The following MTDH variants were observed in gnomAD, a reference collection of about 807,000 sequenced individuals.
MTDH encodes the protein protein LYRIC.
In MTDH, 34 loss-of-function variants were observed where a neutral mutation model predicts 72.7. The observed-to-expected ratio is 0.47, with a 90% CI of 0.36 to 0.62. The LOEUF (loss-of-function observed/expected upper bound fraction) is 0.62, where lower values mean the gene tolerates loss of function less well. Ranked by LOEUF, MTDH falls within the 20% of genes least tolerant of loss-of-function variation. MTDH has a pLI of 0.00. For missense variants in MTDH, 677 were observed against 699.4 expected (o/e 0.97, Z 0.36); for synonymous variants, 266 against 268.9 (o/e 0.99, Z 0.10).
At chr8:97,717,270 C>G (rs983905364) in intron 9 of MTDH, among the ~76,000 whole-genome samples, 1 of 152,118 alleles carries the variant, frequency 6.6e-6, no homozygotes, top group Non-Finnish European at 1.5e-5. Flanking sequence ...AAAGAACGGC[C>G]ATTTTATATG....
chr8:97,669,224 C>T (rs1812510507), intron 2 of MTDH, among the ~76,000 whole-genome samples: 1 of 152,118 alleles, frequency 6.6e-6, no homozygotes, highest in South Asian at 2.1e-4. Flanking sequence ...TCTCCGCTCA[C>T]TGCAACCTCC....
At chr8:97,664,306 A>G (rs1201955423) in intron 2 of MTDH, among the ~76,000 whole-genome samples, 2 of 152,010 alleles carry the variant, frequency 1.3e-5, no homozygotes, top group Admixed American at 1.3e-4. Flanking sequence ...TAGGGAGCTG[A>G]GATCGTACCA....
At chr8:97,723,567 C>A (rs1815224936) in intron 11 of MTDH, among the ~76,000 whole-genome samples, 1 of 149,702 alleles carries the variant, frequency 6.7e-6, no homozygotes, top group Admixed American at 6.7e-5. Flanking sequence ...CATGGTGAAA[C>A]CCCGTCTCTA....
intron 8 of MTDH, among the ~76,000 whole-genome samples, chr8:97,712,391 A>G (rs1814675437): frequency 6.6e-6 from 1 of 152,012 alleles, no homozygotes; most frequent in Non-Finnish European, 1.5e-5. Flanking sequence ...CTGGAGATTC[A>G]TCCAGGTTGT....
At chr8:97,716,626 G>T (rs1332572069) in intron 9 of MTDH, among the ~76,000 whole-genome samples, 10 of 150,824 alleles carry the variant, frequency 6.6e-5, no homozygotes. Flanking sequence ...AGCCAAGATT[G>T]TGCCACTACA....
chr8:97,663,760 A>AAG (rs1554575016), intron 2 of MTDH, among the ~76,000 whole-genome samples: 15 of 151,672 alleles, frequency 9.9e-5, no homozygotes, highest in African/African-American at 3.6e-4. Flanking sequence ...AAAAAAAAAA[A>AAG]AAAAAAAAGA....
chr8:97,719,328 A>G, intron 10 of MTDH, 139 bp downstream of exon 10: 1 of 797,852 alleles, frequency 1.3e-6, no homozygotes, highest in Non-Finnish European at 1.9e-6. Context: ...CCCCGTCTCT[A>G]CTAAAAATAC....
At chr8:97,714,138 A>T (rs1454591559) in intron 9 of MTDH, among the ~76,000 whole-genome samples, 1 of 152,204 alleles carries the variant, frequency 6.6e-6, no homozygotes, top group Non-Finnish European at 1.5e-5. Context: ...TAACAAGTGG[A>T]GTCTTTCACT....
intron 4 of MTDH, among the ~76,000 whole-genome samples, chr8:97,688,086 C>A (rs535927548): frequency 2.6e-5 from 4 of 152,252 alleles, no homozygotes; most frequent in African/African-American, 7.2e-5. Context: ...AGAGCTAGAC[C>A]AGAACTTCAA....
chr8:97,674,107 A>G (rs759669809), intron 2 of MTDH, among the ~76,000 whole-genome samples: 48 of 152,168 alleles, frequency 3.2e-4, no homozygotes, highest in Admixed American at 7.2e-4. Context: ...AGCAAGCTGT[A>G]ATCAAGTCAC....
chr8:97,718,928 T>C, intron 9 of MTDH, 121 bp from the exon 10 acceptor site: 2 of 858,048 alleles, frequency 2.3e-6, no homozygotes, highest in South Asian at 3.7e-5. Flanking sequence ...ATTCCTGAGC[T>C]CAAGCAATTC....
intron 10 of MTDH, among the ~76,000 whole-genome samples, chr8:97,720,950 G>A (rs569861139): frequency 8.0e-5 from 12 of 150,846 alleles, no homozygotes; most frequent in East Asian, 6.0e-4. Flanking sequence ...CACCACGCCC[G>A]GCCTCTGTTT....
At chr8:97,690,850 G>A (rs1813576505) in intron 5 of MTDH, 102 bp from the exon 6 acceptor site, 2 of 814,818 alleles carry the variant, frequency 2.5e-6, no homozygotes, top group Admixed American at 2.9e-5. Flanking sequence ...AGTAGGGGAA[G>A]TGAGTAATAA....
intron 2 of MTDH, among the ~76,000 whole-genome samples, chr8:97,684,590 A>C (rs1047715936): frequency 1.3e-5 from 2 of 152,224 alleles, no homozygotes; most frequent in Non-Finnish European, 2.9e-5. Context: ...CATATTTACT[A>C]TTTGATCCTT....
At chr8:97,700,355 T>C (rs1037974959) in intron 7 of MTDH, among the ~76,000 whole-genome samples, 2 of 152,344 alleles carry the variant, frequency 1.3e-5, no homozygotes, top group South Asian at 2.1e-4. Context: ...GAGTTTTTTT[T>C]CCTCACAAAC....
intron 2 of MTDH, among the ~76,000 whole-genome samples, chr8:97,664,981 C>T (rs956278088): frequency 1.3e-5 from 2 of 152,260 alleles, no homozygotes; most frequent in East Asian, 1.9e-4. Flanking sequence ...AGGCTGGTCG[C>T]GAACTCCTGA....
At chr8:97,655,036 G>C (rs1223997430) in intron 1 of MTDH, among the ~76,000 whole-genome samples, 1 of 151,840 alleles carries the variant, frequency 6.6e-6, no homozygotes, top group Non-Finnish European at 1.5e-5. Context: ...AGGTTGCAGT[G>C]AGTCGAGCCG....
intron 4 of MTDH, 38 bp downstream of exon 4, chr8:97,687,643 C>T (rs1813419958): frequency 6.8e-7 from 1 of 1,469,752 alleles, no homozygotes; most frequent in Non-Finnish European, 9.2e-7. Context: ...TACATCAAAT[C>T]AAACTCCTTT....
chr8:97,693,702 GT>G (rs1813711358), intron 6 of MTDH, among the ~76,000 whole-genome samples: 1 of 151,892 alleles, frequency 6.6e-6, no homozygotes, highest in African/African-American at 2.4e-5. Flanking sequence ...AGCTCTTCAT[GT>G]TTTTTTGTTT....
Sources: gnomAD v4.1 joint callset for allele counts (sites outside exome capture counted in the v4.1 genomes callset) on GRCh38, gnomAD v4.1.1 for gene constraint, MANE v1.5 for transcripts, NCBI Gene and HGNC (gene_info 2026-07-23, HGNC 2026-07-21) for gene names.